Variants in FECH observed in about 807,000 individuals in gnomAD.
FECH encodes the protein ferrochelatase, mitochondrial.
A neutral mutation model predicts 56.9 loss-of-function variants in FECH; 40 were observed. The observed-to-expected ratio is 0.70, with a 90% CI of 0.55 to 0.92. FECH has a LOEUF of 0.92. Among genes scored for constraint, FECH ranks in the 40% least tolerant of loss-of-function variants. The pLI is 0.00. For synonymous variants in FECH, 175 were observed against 198.6 expected (o/e 0.88, Z 1.00); for missense variants, 431 against 529.1 (o/e 0.81, Z 1.82).
intron 6 of FECH, among the ~76,000 whole-genome samples, chr18:57,559,505 T>C (rs2050914633): frequency 6.6e-6 from 1 of 152,140 alleles, no homozygotes; most frequent in Admixed American, 6.5e-5. Context: ...AAATGCGCGC[T>C]GTGGATCTGC....
intron 4 of FECH, among the ~76,000 whole-genome samples, chr18:57,568,265 T>C (rs896043202): frequency 1.3e-4 from 20 of 152,196 alleles, no homozygotes; most frequent in African/African-American, 4.6e-4. Flanking sequence ...TCTAAATGCC[T>C]AGGGTCTGGG....
chr18:57,580,340 C>A lies in FECH; in HGVS notation c.68-141G>T. 2.5e-6 allele frequency: 3 copies of A among 1,217,196 alleles called. No individual in the cohort carries two copies. The Admixed American group carries it at 6.0e-5, about 24-fold the overall frequency. 75.4% of individuals were successfully genotyped at this position (1,217,196 alleles called of 1,614,324 possible). A position where few individuals can be genotyped will look rare whatever the true frequency, so the allele number is the denominator to read the frequency against. On this transcript the variant is annotated intron_variant, in intron 1 of 10. Transcript: ENST00000262093. The stretch of plus-strand genomic sequence containing the variant: ...GATTTTCCTAGCATTTCTCTGCAGG[C>A]AGGTAAAGGAACTTAAGCCCTCTCC...
Position 57,586,581 on chromosome 18 carries a change from C to T in FECH, c.40G>A (p.Ala14Thr). 8 of 1,521,518 alleles carry T rather than the reference C, an allele frequency of 5.3e-6. No individual in the cohort carries two copies. The highest frequency in any genetic ancestry group is 7.0e-6 in the Non-Finnish European group (8 of 1,141,420). The allele number at this position is 1,521,518 out of a possible 1,614,324, so 94.3% of individuals were successfully genotyped here. ...GGATCGCGGAGCAGGACGCCCGCGG[C>T]GCGCAGGGCCGCAGCCATGTTTGCG... is the stretch of plus-strand genomic sequence containing the variant. ...LGANMAAALRAAGVLLRDPLA... is the reference protein window; with the variant it reads ...LGANMAAALRTAGVLLRDPLA... The change falls in exon 1 of 11, where the codon GCC becomes ACC. Residue 14 changes from alanine to threonine, a missense_variant. Physicochemically the swap from Ala to Thr is moderately conservative, Grantham distance 58 (BLOSUM62 0). Coordinates refer to ENST00000262093, the MANE Select transcript of FECH (RefSeq NM_000140.5).
At chr18:57,554,233 G>C in intron 9 of FECH, 27 bp downstream of exon 9, 1 of 1,613,536 alleles carries the variant, frequency 6.2e-7, no homozygotes. Context: ...AAGTCATGAT[G>C]GGAAAAAGGC....
rs774520080 is a variant in FECH at position 57,554,936 on chromosome 18, T to C, written c.821A>G (p.Asp274Gly). Residue 274 changes from aspartate (D) to glycine (G), a missense_variant, in exon 8 of 11, where the codon GAC becomes GGC. Physicochemically the swap from Asp to Gly is moderately conservative, Grantham distance 94. Transcript: ENST00000262093. ...SLPMSVVNRG[D>G]PYPQEVSATV... is the part of the protein sequence containing the mutation. ...GGCGCTTACCTCCTGAGGATATGGG[T>C]CGCCTCTGTTGACCACCTGCAGCAG... 6.2e-7 allele frequency: 1 copy of C among 1,614,084 alleles called. No homozygotes were observed. Among genetic ancestry groups the C allele is most frequent in the South Asian group, 1.1e-5 (1 of 91,080 alleles).
At chr18:57,580,460 C>T (rs917970672) in intron 1 of FECH, among the ~76,000 whole-genome samples, 4 of 152,100 alleles carry the variant, frequency 2.6e-5, no homozygotes, top group African/African-American at 9.7e-5. Context: ...CTCCCCACCT[C>T]GGCTGCAGAT....
intron 3 of FECH, among the ~76,000 whole-genome samples, chr18:57,572,513 TAAAAAAAAAAAAAAAA>T (rs57279341): frequency 1.1e-4 from 6 of 55,994 alleles, no homozygotes; most frequent in Admixed American, 3.6e-4. Context: ...TATACGTATG[TAAAAAAAAAAAAAAAA>T]AAAAAAAAGG....
intron 4 of FECH, among the ~76,000 whole-genome samples, chr18:57,570,539 C>T (rs1056657395): frequency 6.6e-6 from 1 of 152,196 alleles, no homozygotes; most frequent in African/African-American, 2.4e-5. Flanking sequence ...GAGCTGTTCT[C>T]CCTGAGGGTT....
At chr18:57,581,535 C>A (rs772411019) in intron 1 of FECH, among the ~76,000 whole-genome samples, 2 of 152,250 alleles carry the variant, frequency 1.3e-5, no homozygotes, top group Non-Finnish European at 2.9e-5. Context: ...CTGCCCTCCT[C>A]CTCCTAAGAG....
intron 2 of FECH, among the ~76,000 whole-genome samples, chr18:57,579,772 T>C (rs981765371): frequency 2.0e-5 from 3 of 152,236 alleles, no homozygotes; most frequent in Admixed American, 2.0e-4. Context: ...GGTTCGTAAA[T>C]ACATTTCCAG....
rs143797631 is a variant in FECH at position 57,546,871 on chromosome 18, G to A, written c.*3841C>T. On this transcript the variant is annotated 3_prime_UTR_variant, in exon 11 of 11. Transcript: ENST00000262093. ...GCTACTCCGGAGGCTGAGGCAGGAT[G>A]ATCCTTTGAACCCAAGAGGCGGAGG... 5.4e-3 allele frequency among the ~76,000 whole-genome samples: 816 copies of A among 151,082 alleles called. 7 individuals are homozygous for A. The highest frequency in any genetic ancestry group is 0.019 in the African/African-American group (786 of 41,084).
At chr18:57,559,775 C>A (rs958424271) in intron 6 of FECH, among the ~76,000 whole-genome samples, 1 of 152,172 alleles carries the variant, frequency 6.6e-6, no homozygotes, top group Non-Finnish European at 1.5e-5. Flanking sequence ...TTTATAAAAA[C>A]CTTCACAACA....
At chr18:57,583,891 A>T (rs2051323497) in intron 1 of FECH, among the ~76,000 whole-genome samples, 1 of 149,976 alleles carries the variant, frequency 6.7e-6, no homozygotes, top group African/African-American at 2.5e-5. Flanking sequence ...ACATAAGAAA[A>T]CGAAACTTCA....
chr18:57,559,024 G>A, intron 7 of FECH, 121 bp downstream of exon 7: 1 of 738,244 alleles, frequency 1.4e-6, no homozygotes, highest in Non-Finnish European at 2.5e-6. Context: ...TCTGAGATTT[G>A]AGAATTCATT....
At chr18:57,571,166 C>T (rs1453137803) in intron 4 of FECH, among the ~76,000 whole-genome samples, 1 of 151,986 alleles carries the variant, frequency 6.6e-6, no homozygotes, top group East Asian at 1.9e-4. Context: ...AACTCATGTC[C>T]CAAATCCTTA....
rs749067538 is a variant in FECH at position 57,571,484 on chromosome 18, C to T, written c.371G>A (p.Arg124His). 30 of 1,613,876 alleles carry T rather than the reference C, an allele frequency of 1.9e-5. No individual in the cohort carries two copies. Among genetic ancestry groups the T allele is most frequent in the Non-Finnish European group, 2.4e-5 (28 of 1,179,998 alleles). ...GATGGGGGATCCGCCTCCAATCCTG[C>T]GGTACTGCTCTTGAATCTTGGGGGT... ...RRTPKIQEQY[R>H]RIGGGSPIKI... is the part of the protein sequence containing the mutation. The change falls in exon 4 of 11, where the codon CGC becomes CAC. Residue 124 changes from arginine (R) to histidine (H), a missense_variant. Coordinates refer to ENST00000262093, the MANE Select transcript of FECH (RefSeq NM_000140.5).
At chr18:57,561,690 C>G (rs766377959) in intron 6 of FECH, among the ~76,000 whole-genome samples, 2 of 152,196 alleles carry the variant, frequency 1.3e-5, no homozygotes, top group African/African-American at 2.4e-5. Context: ...TAATGCAAAT[C>G]TAATTACTCA....
intron 4 of FECH, among the ~76,000 whole-genome samples, chr18:57,569,936 C>T (rs976193357): frequency 6.6e-6 from 1 of 151,740 alleles, no homozygotes; most frequent in African/African-American, 2.4e-5. Context: ...CTGGCTCAAG[C>T]GATCCTTCCA....
At chr18:57,560,389 G>A (rs1158025848) in intron 6 of FECH, among the ~76,000 whole-genome samples, 8 of 152,220 alleles carry the variant, frequency 5.3e-5, no homozygotes, top group East Asian at 3.8e-4. Flanking sequence ...AGTGGCTCAC[G>A]CCAGTAATCC....
Sources: gnomAD v4.1 joint callset for allele counts (sites outside exome capture counted in the v4.1 genomes callset) on GRCh38, gnomAD v4.1.1 for gene constraint, MANE v1.5 for transcripts, NCBI Gene and HGNC (gene_info 2026-07-23, HGNC 2026-07-21) for gene names.